PDE4D: variants seen among roughly 807,000 people sequenced by gnomAD.
PDE4D encodes phosphodiesterase 4D, also known as 3',5'-cyclic-AMP phosphodiesterase 4D.
In PDE4D, 24 loss-of-function variants were observed where a neutral mutation model predicts 87.4. That is an observed-to-expected ratio of 0.27 (90% confidence interval 0.20 to 0.39). The LOEUF (loss-of-function observed/expected upper bound fraction) is 0.39, where lower values mean the gene tolerates loss of function less well. Among genes scored for constraint, PDE4D ranks in the 10% least tolerant of loss-of-function variants. The pLI, the probability that PDE4D is intolerant of heterozygous loss-of-function variation, is 1.00. For missense variants in PDE4D, 714 were observed against 1,041.0 expected (o/e 0.69, Z 4.32); for synonymous variants, 384 against 383.2 (o/e 1.00, Z -0.02).
In PDE4D at chr5:60,504,678, T is replaced by G. The variant is rs183994791; in HGVS notation, n.70+17373A>C. On this transcript the variant is annotated intron_variant and non_coding_transcript_variant, in intron 1 of 2. Coordinates refer to the PDE4D transcript ENST00000506510. ...TTAGGTTGTAATCATTTCCACCATC[T>G]TTTCAACAGTCTGCATCTTCTTTTT... Among the ~76,000 whole-genome samples, 79 of 152,364 alleles carry G rather than the reference T, an allele frequency of 5.2e-4. 1 individual carries two copies. The Middle Eastern group carries it at 0.02, about 39-fold the overall frequency.
intron 1 of PDE4D, among the ~76,000 whole-genome samples, chr5:60,358,760 G>A (rs1759822168): frequency 6.6e-6 from 1 of 152,080 alleles, no homozygotes; most frequent in African/African-American, 2.4e-5. Flanking sequence ...TCAGTGTTGA[G>A]ATATTACAAG....
chr5:59,337,753 T>C (rs1456542882), intron 1 of PDE4D, among the ~76,000 whole-genome samples: 1 of 152,178 alleles, frequency 6.6e-6, no homozygotes, highest in African/African-American at 2.4e-5. Context: ...AACACAGTTC[T>C]ACTAGAACAT....
intron 1 of PDE4D, among the ~76,000 whole-genome samples, chr5:59,632,167 T>C (rs1831658157): frequency 6.6e-6 from 1 of 152,174 alleles, no homozygotes; most frequent in South Asian, 2.1e-4. Flanking sequence ...CTCCACAAAG[T>C]TGCTGTAGCC....
At chr5:59,758,660 T>C (rs1761588349) in intron 1 of PDE4D, among the ~76,000 whole-genome samples, 1 of 152,176 alleles carries the variant, frequency 6.6e-6, no homozygotes, top group South Asian at 2.1e-4. Flanking sequence ...ATTATGCCTT[T>C]CAGATGGTGG....
At position 60,033,256 on chromosome 5, in the gene PDE4D, C is replaced by T. The variant is rs149593615; in HGVS notation, c.43-44539G>A. 3.8e-3 allele frequency among the ~76,000 whole-genome samples: 574 copies of T among 152,226 alleles called. 2 individuals are homozygous for T. The highest frequency in any genetic ancestry group is 6.8e-3 in the Middle Eastern group (2 of 294). On this transcript the variant is annotated intron_variant, in intron 2 of 16. Coordinates refer to the PDE4D transcript ENST00000502484. ...TCAATATTCTACCTTTGGTTGTATACTGAGAACCAGAACACAAAAATCCCC... is the reference window on the plus strand; with the variant it reads ...TCAATATTCTACCTTTGGTTGTATATTGAGAACCAGAACACAAAAATCCCC...
At chr5:59,123,926 C>T (rs189598610) in intron 5 of PDE4D, among the ~76,000 whole-genome samples, 134 of 151,506 alleles carry the variant, frequency 8.8e-4, no homozygotes, top group African/African-American at 2.9e-3. Flanking sequence ...GCTTTCTCAT[C>T]TGTATGATGT....
chr5:59,769,329 A>T (rs756961113), intron 1 of PDE4D, among the ~76,000 whole-genome samples: 2 of 152,234 alleles, frequency 1.3e-5, no homozygotes, highest in African/African-American at 2.4e-5. Context: ...AACTAACAAC[A>T]CTATTTAGAC....
intron 2 of PDE4D, among the ~76,000 whole-genome samples, chr5:59,210,857 C>T (rs919553967): frequency 2.6e-5 from 4 of 151,222 alleles, no homozygotes; most frequent in Non-Finnish European, 4.4e-5. Flanking sequence ...TGACAGGTAA[C>T]TTATACTTAA....
intron 5 of PDE4D, among the ~76,000 whole-genome samples, chr5:59,114,866 G>C (rs921911877): frequency 2.7e-5 from 4 of 150,860 alleles, no homozygotes; most frequent in East Asian, 1.9e-4. Flanking sequence ...TAACTTCAAG[G>C]GGGTAGAGGA....
At chr5:60,439,959 G>A (rs1006271248) in intron 1 of PDE4D, among the ~76,000 whole-genome samples, 1 of 149,792 alleles carries the variant, frequency 6.7e-6, no homozygotes, top group Non-Finnish European at 1.5e-5. Flanking sequence ...TGCATAACTT[G>A]GCCTGAAAGT....
intron 5 of PDE4D, among the ~76,000 whole-genome samples, chr5:59,099,713 G>A (rs1232061109): frequency 6.6e-6 from 1 of 152,166 alleles, no homozygotes; most frequent in African/African-American, 2.4e-5. Context: ...TCCTGAAACT[G>A]ACATTCTCAA....
At chr5:59,922,309 G>A (rs1754760540) in intron 3 of PDE4D, among the ~76,000 whole-genome samples, 1 of 152,148 alleles carries the variant, frequency 6.6e-6, no homozygotes, top group Admixed American at 6.5e-5. Context: ...AAGTACTGAT[G>A]CTGGGATGGG....
intron 1 of PDE4D, among the ~76,000 whole-genome samples, chr5:59,219,259 A>T (rs1751945627): frequency 6.6e-6 from 1 of 152,066 alleles, no homozygotes; most frequent in Non-Finnish European, 1.5e-5. Context: ...GTAACAAATC[A>T]CTGAGTACTT....
At chr5:59,885,675 A>G (rs1187740963) in intron 1 of PDE4D, among the ~76,000 whole-genome samples, 1 of 152,192 alleles carries the variant, frequency 6.6e-6, no homozygotes, top group African/African-American at 2.4e-5. Context: ...GCACTTCTCT[A>G]AATTTACAAA....
intron 1 of PDE4D, among the ~76,000 whole-genome samples, chr5:59,634,380 G>C (rs1442300977): frequency 6.6e-6 from 1 of 152,200 alleles, no homozygotes; most frequent in Non-Finnish European, 1.5e-5. Flanking sequence ...TCTGGACCAA[G>C]TGGACCTAAT....
intron 1 of PDE4D, among the ~76,000 whole-genome samples, chr5:59,389,167 A>G (rs1393091982): frequency 6.6e-6 from 1 of 152,028 alleles, no homozygotes; most frequent in Non-Finnish European, 1.5e-5. Flanking sequence ...GAGATACCCA[A>G]AAAGTGATAG....
chr5:59,675,908 T>C (rs907093785), intron 1 of PDE4D, among the ~76,000 whole-genome samples: 4 of 152,074 alleles, frequency 2.6e-5, no homozygotes, highest in South Asian at 2.1e-4. Flanking sequence ...CCCTGGCTGA[T>C]CTCAAAATCC....
At position 60,184,973 on chromosome 5, in the gene PDE4D, T is replaced by C. The variant is rs186261318; in HGVS notation, c.42+584A>G. 5.3e-5 allele frequency among the ~76,000 whole-genome samples: 8 copies of C among 152,262 alleles called. No individual in the cohort carries two copies. The East Asian group carries it at 1.2e-3, about 22-fold the overall frequency. ...CTATTTGCTTTTTTCCATACACTAA[T>C]ATAAATTTAAAAAGTATCATGACTG... On this transcript the variant is annotated intron_variant, in intron 2 of 16. Transcript: ENST00000502484.
At chr5:59,242,393 C>T (rs1316749157) in intron 1 of PDE4D, among the ~76,000 whole-genome samples, 1 of 152,092 alleles carries the variant, frequency 6.6e-6, no homozygotes, top group African/African-American at 2.4e-5. Flanking sequence ...GATCTTTTTT[C>T]AACTAGTCTT....
Sources: gnomAD v4.1 joint callset for allele counts (sites outside exome capture counted in the v4.1 genomes callset) on GRCh38, gnomAD v4.1.1 for gene constraint, MANE v1.5 for transcripts, NCBI Gene and HGNC (gene_info 2026-07-23, HGNC 2026-07-21) for gene names.